NRG1: variants seen among roughly 807,000 people sequenced by gnomAD.
The protein encoded by NRG1 is pro-neuregulin-1, membrane-bound isoform.
In NRG1, 18 loss-of-function variants were observed where a neutral mutation model predicts 63.8. The observed-to-expected ratio is 0.28, with a 90% CI of 0.19 to 0.42. The LOEUF is 0.42. NRG1 is among the 10% of genes least tolerant of loss of function. NRG1 has a pLI of 1.00. For missense variants in NRG1, 762 were observed against 814.7 expected (o/e 0.94, Z 0.79); for synonymous variants, 302 against 301.3 (o/e 1.00, Z -0.02).
intron 7 of NRG1, among the ~76,000 whole-genome samples, chr8:32,746,534 A>C (rs1035779220): frequency 1.3e-5 from 2 of 152,164 alleles, no homozygotes; most frequent in Non-Finnish European, 2.9e-5. Flanking sequence ...AAATTAACCT[A>C]CAGGTTAATC....
intron 11 of NRG1, 118 bp from the exon 12 acceptor site, chr8:32,763,630 A>G (rs1831103782): frequency 1.7e-6 from 2 of 1,195,154 alleles, no homozygotes; most frequent in Non-Finnish European, 2.3e-6. Flanking sequence ...GCAGCCTACA[A>G]TGAATAGAAA....
rs142261023 is a variant in NRG1, at chr8:32,355,783, T to C, written c.38-240045T>C. 3.3e-3 allele frequency among the ~76,000 whole-genome samples: 503 copies of C among 152,310 alleles called. 2 individuals carry two copies. Among genetic ancestry groups the C allele is most frequent in the African/African-American group, 0.011 (464 of 41,564 alleles). ...TATTTTAATCTTTTGTTTTTCCATA[T>C]TTTCAGAGTTCCTACAATGGACTTG... is the stretch of plus-strand genomic sequence containing the variant. On this transcript the variant is annotated intron_variant, in intron 1 of 10. Transcript: ENST00000519301.
Position 32,298,333 on chromosome 8 carries a change from G to T in NRG1, c.38-297495G>T, listed in dbSNP as rs1586689920. Among the ~76,000 whole-genome samples, 4 of 152,320 alleles carry T rather than the reference G, an allele frequency of 2.6e-5. No homozygotes were observed. The East Asian group carries it at 5.8e-4, about 22-fold the overall frequency. On this transcript the variant is annotated intron_variant, in intron 1 of 10. Coordinates refer to the NRG1 transcript ENST00000519301. ...CCTGGCAGAACTGACTACAGACTCAGAGGGAGTATGTTTATTGCTTTTAAT... is the reference window on the plus strand; with the variant it reads ...CCTGGCAGAACTGACTACAGACTCATAGGGAGTATGTTTATTGCTTTTAAT...
chr8:31,812,918 T>G (rs1217638062), intron 1 of NRG1, among the ~76,000 whole-genome samples: 2 of 152,176 alleles, frequency 1.3e-5, no homozygotes, highest in Non-Finnish European at 2.9e-5. Context: ...TAGAACCACA[T>G]GGGTTTTTCA....
intron 1 of NRG1, among the ~76,000 whole-genome samples, chr8:32,227,218 G>A (rs1407527954): frequency 1.3e-5 from 2 of 152,146 alleles, no homozygotes. Context: ...ACTCTCAGGA[G>A]CTTTGTAACA....
chr8:31,872,483 T>C (rs562189937), intron 1 of NRG1, among the ~76,000 whole-genome samples: 2 of 152,320 alleles, frequency 1.3e-5, no homozygotes, highest in East Asian at 3.9e-4. Flanking sequence ...CCTGGTGGCA[T>C]CTGTTAGTTT....
At chr8:32,342,757 G>T (rs1306888346) in intron 1 of NRG1, among the ~76,000 whole-genome samples, 1 of 152,112 alleles carries the variant, frequency 6.6e-6, no homozygotes, top group Admixed American at 6.5e-5. Context: ...AAGTAGATTT[G>T]TCTTTTCTAA....
chr8:31,956,511 C>T (rs1206532455), intron 1 of NRG1, among the ~76,000 whole-genome samples: 1 of 152,102 alleles, frequency 6.6e-6, no homozygotes, highest in East Asian at 1.9e-4. Context: ...GTAGTCCCAG[C>T]TACTCGAGAA....
chr8:32,495,393 C>T (rs1461409082), intron 1 of NRG1, among the ~76,000 whole-genome samples: 1 of 152,186 alleles, frequency 6.6e-6, no homozygotes, highest in Admixed American at 6.5e-5. Flanking sequence ...TGAGGCTTCC[C>T]CAGCCATGTG....
chr8:32,191,103 G>A (rs200820971), intron 1 of NRG1, among the ~76,000 whole-genome samples: 1 of 129,772 alleles, frequency 7.7e-6, no homozygotes, highest in Non-Finnish European at 1.7e-5. Context: ...TTTTTTTTTT[G>A]AGTTGGAGTC....
chr8:31,841,106 T>C (rs1249874800), intron 1 of NRG1, among the ~76,000 whole-genome samples: 1 of 152,152 alleles, frequency 6.6e-6, no homozygotes, highest in African/African-American at 2.4e-5. Context: ...GTTACTATAC[T>C]TTGCCTGCCT....
chr8:32,314,496 A>G (rs926452154), intron 1 of NRG1, among the ~76,000 whole-genome samples: 3 of 152,178 alleles, frequency 2.0e-5, no homozygotes, highest in African/African-American at 7.2e-5. Context: ...CTCCAGCAAT[A>G]AGCCTAATGA....
intron 1 of NRG1, among the ~76,000 whole-genome samples, chr8:32,030,739 A>C (rs1168674350): frequency 2.6e-5 from 4 of 152,180 alleles, no homozygotes; most frequent in African/African-American, 7.2e-5. Context: ...TAAAGGAATA[A>C]GTTCCCAGCA....
chr8:31,720,815 AGCCAGG>A (rs1291514205), intron 1 of NRG1, among the ~76,000 whole-genome samples: 3 of 152,208 alleles, frequency 2.0e-5, no homozygotes, highest in Non-Finnish European at 4.4e-5. Flanking sequence ...ACCCTTGTTT[AGCCAGG>A]TGCTTACTTG....
intron 1 of NRG1, among the ~76,000 whole-genome samples, chr8:31,948,162 G>A (rs1802922781): frequency 6.6e-6 from 1 of 151,936 alleles, no homozygotes; most frequent in Non-Finnish European, 1.5e-5. Flanking sequence ...ATTTACCAAA[G>A]CATCATATAT....
intron 1 of NRG1, among the ~76,000 whole-genome samples, chr8:32,083,812 T>G (rs1827848434): frequency 6.6e-6 from 1 of 152,238 alleles, no homozygotes; most frequent in Admixed American, 6.5e-5. Flanking sequence ...GTGACATATA[T>G]TGTAGTTCAA....
intron 1 of NRG1, among the ~76,000 whole-genome samples, chr8:32,559,262 A>G (rs1051998886): frequency 6.6e-6 from 1 of 150,880 alleles, no homozygotes; most frequent in South Asian, 2.1e-4. Context: ...AAAAAAAAAA[A>G]ATCACTACTC....
At chr8:31,721,563 C>T (rs1272798064) in intron 1 of NRG1, among the ~76,000 whole-genome samples, 5 of 152,146 alleles carry the variant, frequency 3.3e-5, no homozygotes, top group Non-Finnish European at 5.9e-5. Context: ...GACCCTCTCC[C>T]TCTGACAAAT....
At chr8:31,887,198 A>G (rs1294125227) in intron 1 of NRG1, among the ~76,000 whole-genome samples, 1 of 152,056 alleles carries the variant, frequency 6.6e-6, no homozygotes, top group African/African-American at 2.4e-5. Context: ...TGAATGAGAT[A>G]GCAGATGGTT....
Sources: allele counts gnomAD v4.1 joint callset (sites outside exome capture counted in the v4.1 genomes callset), GRCh38; gene constraint gnomAD v4.1.1; transcripts MANE v1.5; gene names NCBI Gene and HGNC (gene_info 2026-07-23, HGNC 2026-07-21).